Variants in TIAM2 observed in about 807,000 individuals in gnomAD.
The protein encoded by TIAM2 is TIAM Rac1 associated GEF 2, also known as rho guanine nucleotide exchange factor TIAM2.
A neutral mutation model predicts 152.9 loss-of-function variants in TIAM2; 80 were observed. The observed-to-expected ratio is 0.52, with a 90% CI of 0.44 to 0.63. The LOEUF (loss-of-function observed/expected upper bound fraction) is 0.63. TIAM2 is among the 30% of genes least tolerant of loss of function. The pLI is 0.00. For missense variants in TIAM2, 1,965 were observed against 2,120.1 expected (o/e 0.93, Z 1.44); for synonymous variants, 804 against 838.0 (o/e 0.96, Z 0.70).
rs747728087 is a variant in TIAM2, at chr6:155,148,050, T to C, written c.1804-60T>C. 7.3e-5 allele frequency: 115 copies of C among 1,566,836 alleles called. 1 individual carries two copies. The highest frequency in any genetic ancestry group is 5.8e-4 in the Middle Eastern group (3 of 5,208). On this transcript the variant is annotated intron_variant, in intron 6 of 26. Coordinates refer to ENST00000682666, the MANE Select transcript of TIAM2 (RefSeq NM_012454.4). ...GTACATCTAAGCCCAGCCTGCCATT[T>C]TGGAGAGCACTTTAGTGGTAAAATG...
chr6:155,114,059 T>A (rs1376301668), intron 2 of TIAM2, among the ~76,000 whole-genome samples: 3 of 105,460 alleles, frequency 2.8e-5, no homozygotes, highest in African/African-American at 1.1e-4. Flanking sequence ...TCTTTTTTTT[T>A]TTTTTTTTTT....
Position 155,130,003 on chromosome 6 carries a change from G to A in TIAM2, c.780G>A (p.Leu260=). ...CCCCTTGGGGCAATGCTGGAGAGCT[G>A]AGCGAGGCTGAGGGCTCCTTCCTGG... is the stretch of plus-strand genomic sequence containing the variant. The part of the protein sequence containing the change: ...YDSPWGNAGE[L]SEAEGSFLAP... Residue 260 remains leucine, a synonymous_variant, in exon 4 of 27, where the codon CTG becomes CTA. Transcript: ENST00000682666. 6.2e-7 allele frequency: 1 copy of A among 1,614,128 alleles called. No individual in the cohort carries two copies.
At chr6:155,080,993 A>G (rs1438832942) in intron 1 of TIAM2, among the ~76,000 whole-genome samples, 2 of 152,140 alleles carry the variant, frequency 1.3e-5, no homozygotes, top group South Asian at 2.1e-4. Flanking sequence ...AGCTAAGCTC[A>G]TGCCTCTGAA....
intron 15 of TIAM2, among the ~76,000 whole-genome samples, chr6:155,227,554 A>G (rs1462781322): frequency 1.3e-5 from 2 of 152,210 alleles, no homozygotes; most frequent in African/African-American, 4.8e-5. Flanking sequence ...TAAGGAGAAT[A>G]TGGCACTGCG....
intron 15 of TIAM2, among the ~76,000 whole-genome samples, chr6:155,212,184 T>G (rs1781738471): frequency 6.6e-6 from 1 of 152,234 alleles, no homozygotes; most frequent in African/African-American, 2.4e-5. Flanking sequence ...GTAAGAGTTA[T>G]CTGCGTGAAT....
rs200237677 is a variant in TIAM2 at position 155,253,148 on chromosome 6, GTGCCTTT to G, written c.4225+97_4225+103del. The G allele has an allele frequency of 9.4e-4, 1,021 of 1,081,724 alleles. 17 individuals carry two copies. In the East Asian group the frequency reaches 0.025, roughly 27 times the overall value. 67.0% of individuals were successfully genotyped at this position (1,081,724 alleles called of 1,614,324 possible). ...GAAAGGACCTTGGGGATAATTTTTG[GTGCCTTT>G]TATTTTATAGACAAGGAAAATGAGG... On this transcript the variant is annotated intron_variant, in intron 24 of 26. Transcript: ENST00000682666.
At chr6:155,243,280 C>A (rs1037645116) in intron 16 of TIAM2, among the ~76,000 whole-genome samples, 9 of 152,176 alleles carry the variant, frequency 5.9e-5, no homozygotes, top group African/African-American at 1.9e-4. Flanking sequence ...ACCCTCCCAG[C>A]TCCATGCTGG....
intron 1 of TIAM2, among the ~76,000 whole-genome samples, chr6:155,021,529 T>A (rs915235062): frequency 6.6e-6 from 1 of 152,180 alleles, no homozygotes; most frequent in Non-Finnish European, 1.5e-5. Flanking sequence ...CCTACAGTGC[T>A]GGGATTACAG....
chr6:155,245,948 G>A (rs1471064032), intron 19 of TIAM2, among the ~76,000 whole-genome samples: 1 of 151,988 alleles, frequency 6.6e-6, no homozygotes, highest in East Asian at 1.9e-4. Context: ...CAGAGATGTT[G>A]CTTTGCCATG....
intron 2 of TIAM2, among the ~76,000 whole-genome samples, chr6:155,123,139 T>G (rs77658202): frequency 0.014 from 2,202 of 152,216 alleles, 51 homozygotes; most frequent in African/African-American, 0.051. Context: ...TGTCAATAAA[T>G]TTCTCATAAA....
At chr6:155,113,376 C>T (rs1778907394) in intron 2 of TIAM2, among the ~76,000 whole-genome samples, 1 of 152,150 alleles carries the variant, frequency 6.6e-6, no homozygotes, top group Admixed American at 6.6e-5. Flanking sequence ...GCCTCCTCCC[C>T]CATTTCCTTC....
intron 1 of TIAM2, among the ~76,000 whole-genome samples, chr6:155,057,541 CTT>C (rs71023613): frequency 0.15 from 11,869 of 79,400 alleles, 655 homozygotes; most frequent in East Asian, 0.34. Flanking sequence ...CCATAATGTA[CTT>C]TTTTTTTTTT....
intron 1 of TIAM2, among the ~76,000 whole-genome samples, chr6:155,051,825 A>T (rs75884673): frequency 4.6e-5 from 7 of 151,780 alleles, no homozygotes; most frequent in African/African-American, 1.7e-4. Context: ...TTTTTATTAG[A>T]GACGGGGTTT....
chr6:155,189,929 G>C (rs939140623), intron 14 of TIAM2, among the ~76,000 whole-genome samples: 1 of 152,160 alleles, frequency 6.6e-6, no homozygotes, highest in African/African-American at 2.4e-5. Flanking sequence ...GTGGTGGGGG[G>C]ATTTGGTGGA....
chr6:155,235,220 G>A (rs9767151), intron 15 of TIAM2, among the ~76,000 whole-genome samples: 65,321 of 152,082 alleles, frequency 0.43, 15,114 homozygotes, highest in Middle Eastern at 0.57. Flanking sequence ...GCAGCTGCTC[G>A]GCAAACACGA....
At chr6:155,198,438 G>A (rs1416846779) in intron 14 of TIAM2, among the ~76,000 whole-genome samples, 1 of 152,092 alleles carries the variant, frequency 6.6e-6, no homozygotes, top group Non-Finnish European at 1.5e-5. Context: ...CGAGGCGGGT[G>A]GATCACCTGA....
At position 155,104,034 on chromosome 6, in the gene TIAM2, A is replaced by ACCCCCCC. The variant is rs1278008998; in HGVS notation, c.-118+13656_-118+13657insCCCCCCC. Among the ~76,000 whole-genome samples, 2 of 95,956 alleles carry ACCCCCCC rather than the reference A, an allele frequency of 2.1e-5. 1 individual carries two copies. Among genetic ancestry groups the ACCCCCCC allele is most frequent in the Admixed American group, 2.2e-4 (2 of 8,974 alleles). The allele number at this position is 95,956 out of a possible 152,430, so 63.0% of individuals were successfully genotyped here. A position where few individuals can be genotyped will look rare whatever the true frequency, so the allele number is the denominator to read the frequency against. ...TTCTTCTTCTGTATTTACCTCACACACACACACCCCCCCCCCCACACCCCC... is the reference window on the plus strand; with the variant it reads ...TTCTTCTTCTGTATTTACCTCACACACCCCCCCCACACACCCCCCCCCCCACACCCCC... On this transcript the variant is annotated intron_variant, in intron 2 of 26. Coordinates refer to ENST00000682666, the MANE Select transcript of TIAM2 (RefSeq NM_012454.4).
At position 155,164,495 on chromosome 6, in the gene TIAM2, T is replaced by C. The variant is rs150823498; in HGVS notation, c.2109T>C (p.Gly703=). The C allele has an allele frequency of 5.1e-4, 828 of 1,613,950 alleles. 1 individual carries two copies. Among genetic ancestry groups the C allele is most frequent in the Non-Finnish European group, 6.7e-4 (793 of 1,180,014 alleles). ...RMRCYLASLQ[G]GELPNPKSLL... The stretch of plus-strand genomic sequence containing the variant: ...GCTGCTATCTGGCCAGCCTACAAGG[T>C]GGGGAGTTACCGAACCCAAAGAGTC... The change falls in exon 8 of 27, where the codon GGT becomes GGC. Residue 703 remains glycine (G), a synonymous_variant. Coordinates refer to ENST00000682666, the MANE Select transcript of TIAM2 (RefSeq NM_012454.4).
rs1780719540 is a variant in TIAM2 at position 155,174,678 on chromosome 6, A to G, written c.2362-2138A>G. ...GCCATGGCGCCCGGCCAAGTGATAC[A>G]GTCTTTCTCTGATTGTCAGTAACGG... On this transcript the variant is annotated intron_variant, in intron 9 of 26. Coordinates refer to ENST00000682666, the MANE Select transcript of TIAM2 (RefSeq NM_012454.4). This position sits in a 1 kb window ranked among gnomAD's most constrained non-coding sequence, Gnocchi z 4.2. Among the ~76,000 whole-genome samples the G allele has an allele frequency of 6.6e-6, 1 of 152,210 alleles. No individual in the cohort carries two copies. The highest frequency in any genetic ancestry group is 2.4e-5 in the African/African-American group (1 of 41,452).
Sources: gnomAD v4.1 joint callset for allele counts (sites outside exome capture counted in the v4.1 genomes callset) on GRCh38, gnomAD v4.1.1 for gene constraint, Gnocchi (gnomAD v3.1) non-coding constraint, MANE v1.5 for transcripts, NCBI Gene and HGNC (gene_info 2026-07-23, HGNC 2026-07-21) for gene names.